Variants in SNX19 observed in about 807,000 individuals in gnomAD.
The protein encoded by SNX19 is sorting nexin 19.
Under a neutral mutation model 85.2 loss-of-function variants are expected in SNX19, and 60 were observed. The observed-to-expected ratio is 0.70, with a 90% CI of 0.57 to 0.87. The LOEUF (loss-of-function observed/expected upper bound fraction) is 0.87. Ranked by LOEUF, SNX19 falls within the 40% of genes least tolerant of loss-of-function variation. The pLI, the probability that SNX19 is intolerant of heterozygous loss-of-function variation, is 0.00. For missense variants in SNX19, 1,201 were observed against 1,217.8 expected (o/e 0.99, Z 0.21); for synonymous variants, 520 against 470.0 (o/e 1.11, Z -1.38).
intron 8 of SNX19, among the ~76,000 whole-genome samples, chr11:130,892,373 A>T (rs1181628059): frequency 6.6e-6 from 1 of 152,140 alleles, no homozygotes; most frequent in Non-Finnish European, 1.5e-5. Flanking sequence ...TCATTATAAA[A>T]TGGGCAAATT....
chr11:130,913,889 T>C (rs1946336215), intron 1 of SNX19, among the ~76,000 whole-genome samples: 2 of 121,868 alleles, frequency 1.6e-5, no homozygotes, highest in South Asian at 5.9e-4. Context: ...TGGAGAGTTC[T>C]ATTTGAAAAT....
intron 8 of SNX19, among the ~76,000 whole-genome samples, chr11:130,896,755 T>C (rs1045682211): frequency 2.0e-5 from 3 of 152,218 alleles, no homozygotes; most frequent in African/African-American, 4.8e-5. Context: ...AAACAGTACA[T>C]AGCTGCTTTC....
At chr11:130,890,898 T>C (rs1046950987) in intron 8 of SNX19, among the ~76,000 whole-genome samples, 1 of 151,496 alleles carries the variant, frequency 6.6e-6, no homozygotes, top group African/African-American at 2.4e-5. Flanking sequence ...GTCTTTTTTT[T>C]TTTTTTGTAT....
intron 8 of SNX19, among the ~76,000 whole-genome samples, chr11:130,895,484 A>G (rs991898740): frequency 6.6e-6 from 1 of 152,204 alleles, no homozygotes; most frequent in Non-Finnish European, 1.5e-5. Context: ...TATAATGGTA[A>G]ATAAGACGCA....
chr11:130,890,249 C>T (rs1944403873), intron 8 of SNX19, among the ~76,000 whole-genome samples: 1 of 152,076 alleles, frequency 6.6e-6, no homozygotes, highest in Non-Finnish European at 1.5e-5. Flanking sequence ...GGTGATCCTA[C>T]CTCCTCAATA....
rs1342473907 is a variant in SNX19, at chr11:130,871,959, G to C, written c.*6463C>G. On this transcript the variant is annotated 3_prime_UTR_variant, in exon 11 of 11. Coordinates refer to ENST00000265909, the MANE Select transcript of SNX19 (RefSeq NM_014758.3). Reference sequence around the variant, plus strand: ...GATTGGGTTAAAAGGAGCAGATAATGTCACTTCAAGAAATGTTTTCTAAGT... The same window carrying C: ...GATTGGGTTAAAAGGAGCAGATAATCTCACTTCAAGAAATGTTTTCTAAGT... Among the ~76,000 whole-genome samples, 1 of 152,184 alleles carries C rather than the reference G, an allele frequency of 6.6e-6. No homozygotes were observed. Among genetic ancestry groups the C allele is most frequent in the Admixed American group, 6.5e-5 (1 of 15,278 alleles).
intron 9 of SNX19, 58 bp from the exon 10 acceptor site, chr11:130,879,769 G>C (rs1943529152): frequency 6.7e-7 from 1 of 1,493,872 alleles, no homozygotes; most frequent in South Asian, 1.1e-5. Flanking sequence ...TAGATTCTAA[G>C]GACAGTCTCT....
chr11:130,905,321 G>T (rs1050034228), intron 7 of SNX19, among the ~76,000 whole-genome samples: 1 of 150,680 alleles, frequency 6.6e-6, no homozygotes, highest in African/African-American at 2.4e-5. Flanking sequence ...TGCCATGGCA[G>T]TAAATAAAGA....
chr11:130,899,975 C>T (rs1156453392), intron 8 of SNX19, among the ~76,000 whole-genome samples: 5 of 152,098 alleles, frequency 3.3e-5, no homozygotes, highest in African/African-American at 1.2e-4. Context: ...AGCTGTAAGC[C>T]CTCTCCCTCA....
Position 130,903,350 on chromosome 11 carries a change from A to G in SNX19, c.2478T>C (p.Asp826=), listed in dbSNP as rs768996590. The change falls in exon 8 of 11, where the codon GAT becomes GAC. Residue 826 remains aspartate, a synonymous_variant. Transcript: ENST00000265909. ...GTTCTGTTAGTAGCAAGAGGAGCAGATCCAGGGCTGTGTCAGCTAACTCTG... is the reference window on the plus strand; with the variant it reads ...GTTCTGTTAGTAGCAAGAGGAGCAGGTCCAGGGCTGTGTCAGCTAACTCTG... The part of the protein sequence containing the change: ...TETELADTAL[D]LLLLLLTEQW... The G allele has an allele frequency of 6.2e-7, 1 of 1,613,202 alleles. No homozygotes were observed. The highest frequency in any genetic ancestry group is 1.7e-5 in the Admixed American group (1 of 60,028).
intron 7 of SNX19, among the ~76,000 whole-genome samples, chr11:130,903,689 A>G (rs1283876526): frequency 1.4e-5 from 2 of 138,262 alleles, no homozygotes; most frequent in Non-Finnish European, 3.1e-5. Flanking sequence ...ATATGTGTGT[A>G]TATATACATA....
chr11:130,893,716 C>T, intron 8 of SNX19: 1 of 678,318 alleles, frequency 1.5e-6, no homozygotes, highest in East Asian at 2.7e-5. Context: ...GGAAAAACAA[C>T]AAAAAGGAAA....
chr11:130,877,529 A>G lies in SNX19; in HGVS notation c.*893T>C, dbSNP rs1214962751. ...ACTCTTTGTGCATTCTTAAGACAGG[A>G]GGCAAGTGCTTTCCATTCTCCTTGG... On this transcript the variant is annotated 3_prime_UTR_variant, in exon 11 of 11. Transcript: ENST00000265909. 1 of 152,390 alleles carries G rather than the reference A, an allele frequency of 6.6e-6. No homozygotes were observed. Among genetic ancestry groups the G allele is most frequent in the African/African-American group, 2.4e-5 (1 of 41,464 alleles). The allele number at this position is 152,390 out of a possible 1,614,324, so 9.4% of individuals were successfully genotyped here.
In SNX19 at chr11:130,878,421, G is replaced by A; in HGVS notation, c.*1C>T. ...CCTGGGAAGAAGGCGTGAATAACCA[G>A]CTAAGAGGAGACACCCATCCTCTTA... On this transcript the variant is annotated 3_prime_UTR_variant, in exon 11 of 11. Coordinates refer to ENST00000265909, the MANE Select transcript of SNX19 (RefSeq NM_014758.3). The A allele has an allele frequency of 1.2e-6, 2 of 1,613,364 alleles. No individual in the cohort carries two copies. The highest frequency in any genetic ancestry group is 1.7e-6 in the Non-Finnish European group (2 of 1,179,588).
rs1193758135 is a variant in SNX19 at position 130,871,379 on chromosome 11, T to C, written c.*7043A>G. On this transcript the variant is annotated 3_prime_UTR_variant, in exon 11 of 11. Coordinates refer to ENST00000265909, the MANE Select transcript of SNX19 (RefSeq NM_014758.3). ...ACAACTGCATAAAGTGGCAAGGAACTGGCCTGCCGTCAGCTCACTGAATTT... is the reference window on the plus strand; with the variant it reads ...ACAACTGCATAAAGTGGCAAGGAACCGGCCTGCCGTCAGCTCACTGAATTT... 6.6e-6 allele frequency among the ~76,000 whole-genome samples: 1 copy of C among 152,186 alleles called. No individual in the cohort carries two copies. The highest frequency in any genetic ancestry group is 1.5e-5 in the Non-Finnish European group (1 of 68,028).
chr11:130,909,863 G>A (rs1453248775), intron 4 of SNX19, among the ~76,000 whole-genome samples, 155 bp downstream of exon 4: 1 of 152,164 alleles, frequency 6.6e-6, no homozygotes, highest in Non-Finnish European at 1.5e-5. Context: ...TTTGGCAACA[G>A]GTCTTGACAA....
At chr11:130,882,972 T>C (rs186540575) in intron 8 of SNX19, among the ~76,000 whole-genome samples, 1 of 152,346 alleles carries the variant, frequency 6.6e-6, no homozygotes, top group Non-Finnish European at 1.5e-5. Flanking sequence ...AGCCATCTTC[T>C]GGCATGTCTT....
chr11:130,880,931 C>T, intron 8 of SNX19, 125 bp from the exon 9 acceptor site: 2 of 755,356 alleles, frequency 2.6e-6, no homozygotes, highest in Non-Finnish European at 4.0e-6. Context: ...AAGGTGATGG[C>T]AGTAGGAGGT....
intron 2 of SNX19, among the ~76,000 whole-genome samples, chr11:130,910,623 G>T (rs536511189): frequency 4.6e-5 from 7 of 152,214 alleles, no homozygotes; most frequent in African/African-American, 1.7e-4. Context: ...ATGATCTTAG[G>T]CCATTTGTGT....
Sources: gnomAD v4.1 joint callset for allele counts (sites outside exome capture counted in the v4.1 genomes callset) on GRCh38, gnomAD v4.1.1 for gene constraint, MANE v1.5 for transcripts, NCBI Gene and HGNC (gene_info 2026-07-23, HGNC 2026-07-21) for gene names.